Variants in CNTLN observed in about 807,000 individuals in gnomAD.
CNTLN encodes the protein centlein.
Under a neutral mutation model 180.0 loss-of-function variants are expected in CNTLN, and 212 were observed. The observed-to-expected ratio is 1.18, with a 90% CI of 1.05 to 1.32. The LOEUF (loss-of-function observed/expected upper bound fraction) is 1.32, where lower values mean the gene tolerates loss of function less well. Among genes scored for constraint, CNTLN ranks in the 40% most tolerant of loss-of-function variants. The probability of loss-of-function intolerance (pLI) is 0.00; values close to 1 mark genes in which losing one functional copy is unlikely to be tolerated. For synonymous variants in CNTLN, 722 were observed against 563.1 expected (o/e 1.28, Z -3.99); for missense variants, 2,095 against 1,610.9 (o/e 1.30, Z -5.14).
At chr9:17,135,511 G>A (rs935041390) in intron 1 of CNTLN, 86 bp downstream of exon 1, 9 of 1,455,792 alleles carry the variant, frequency 6.2e-6, no homozygotes, top group Non-Finnish European at 9.1e-7. Flanking sequence ...CTCTGCCTTG[G>A]GACCTACCCC....
At chr9:17,507,015 C>T (rs1422253882), downstream of CNTLN, among the ~76,000 whole-genome samples, 1 of 152,116 alleles carries the variant, frequency 6.6e-6, no homozygotes, top group African/African-American at 2.4e-5. Flanking sequence ...ATTTTAGATT[C>T]AGTGGGTACG....
chr9:17,443,200 T>C (rs1830209149), intron 18 of CNTLN, among the ~76,000 whole-genome samples: 1 of 152,172 alleles, frequency 6.6e-6, no homozygotes, highest in Admixed American at 6.5e-5. Context: ...GAAAGTTAAA[T>C]ATATTAGAAA....
At chr9:17,268,556 C>G (rs1021082076) in intron 5 of CNTLN, among the ~76,000 whole-genome samples, 3 of 152,194 alleles carry the variant, frequency 2.0e-5, no homozygotes, top group African/African-American at 4.8e-5. Context: ...AACCACTACT[C>G]TCTTCAAAGC....
intron 9 of CNTLN, 58 bp from the exon 10 acceptor site, chr9:17,332,547 T>A: frequency 6.6e-7 from 1 of 1,508,890 alleles, no homozygotes; most frequent in Non-Finnish European, 8.9e-7. Context: ...TAATTTTGCA[T>A]GTCTTTCATA....
the CNTLN span, among the ~76,000 whole-genome samples, chr9:17,515,760 C>G: frequency 6.6e-6 from 1 of 152,192 alleles, no homozygotes; most frequent in Non-Finnish European, 1.5e-5. Flanking sequence ...GTCAACTGAA[C>G]TACTGCATCA....
intron 3 of CNTLN, 29 bp downstream of exon 3, chr9:17,226,316 T>A (rs1274885573): frequency 8.0e-7 from 1 of 1,243,492 alleles, no homozygotes; most frequent in Non-Finnish European, 1.1e-6. Flanking sequence ...ATATTTAAAT[T>A]AACTATATTT....
chr9:17,338,973 A>C (rs1821266276), intron 10 of CNTLN, among the ~76,000 whole-genome samples: 1 of 152,178 alleles, frequency 6.6e-6, no homozygotes, highest in Admixed American at 6.5e-5. Context: ...TGAGGTTTTT[A>C]CTTTTACTTC....
chr9:17,439,843 A>G (rs1830002783), intron 18 of CNTLN, among the ~76,000 whole-genome samples: 1 of 152,212 alleles, frequency 6.6e-6, no homozygotes, highest in Non-Finnish European at 1.5e-5. Flanking sequence ...TCTCTGCCAT[A>G]TGGCAACTTG....
In CNTLN at chr9:17,145,439, A is replaced by C. The variant is rs189407935; in HGVS notation, c.449+2063A>C. Among the ~76,000 whole-genome samples the C allele has an allele frequency of 5.1e-3, 770 of 152,324 alleles. 5 individuals are homozygous for C. Among genetic ancestry groups the C allele is most frequent in the Admixed American group, 8.0e-3 (122 of 15,302 alleles). ...ATTCAACCTATGTCTGTTAAAAAGA[A>C]TATTCTAAATATCAAGGTCAAATAG... is the stretch of plus-strand genomic sequence containing the variant. On this transcript the variant is annotated intron_variant, in intron 2 of 25. Coordinates refer to ENST00000380647, the MANE Select transcript of CNTLN (RefSeq NM_017738.4).
chr9:17,169,866 G>A (rs1471183660), intron 2 of CNTLN, among the ~76,000 whole-genome samples: 1 of 152,000 alleles, frequency 6.6e-6, no homozygotes. Flanking sequence ...GCTGAAGATT[G>A]CTTTAGCTAG....
chr9:17,298,805 G>A, intron 7 of CNTLN: 1 of 985,982 alleles, frequency 1.0e-6, no homozygotes, highest in South Asian at 4.7e-5. Context: ...ATATTTTCCA[G>A]GATTTTTCTC....
At chr9:17,390,754 A>G (rs1416649113) in intron 14 of CNTLN, among the ~76,000 whole-genome samples, 2 of 152,196 alleles carry the variant, frequency 1.3e-5, no homozygotes, top group African/African-American at 2.4e-5. Flanking sequence ...TAACACTTTA[A>G]TAAGTGCTAT....
At chr9:17,318,099 C>T (rs1819651886) in intron 8 of CNTLN, among the ~76,000 whole-genome samples, 1 of 151,114 alleles carries the variant, frequency 6.6e-6, no homozygotes, top group African/African-American at 2.4e-5. Context: ...ATAATCTCAG[C>T]TCACTGCAAG....
intron 13 of CNTLN, among the ~76,000 whole-genome samples, chr9:17,368,693 G>C (rs985251420): frequency 1.3e-5 from 2 of 152,206 alleles, no homozygotes; most frequent in African/African-American, 4.8e-5. Flanking sequence ...AAGAAAACAA[G>C]AGTCTCTGCC....
intron 15 of CNTLN, among the ~76,000 whole-genome samples, chr9:17,404,698 T>C (rs552344026): frequency 6.6e-6 from 1 of 151,676 alleles, no homozygotes; most frequent in African/African-American, 2.4e-5. Flanking sequence ...CAATCCTTGT[T>C]TCAAATTCCA....
chr9:17,471,722 T>C (rs1832050346), intron 23 of CNTLN, among the ~76,000 whole-genome samples: 1 of 152,054 alleles, frequency 6.6e-6, no homozygotes, highest in African/African-American at 2.4e-5. Context: ...TTCAAAACCC[T>C]TTGAGGTGGC....
At chr9:17,488,602 A>G (rs375202109) in intron 25 of CNTLN, among the ~76,000 whole-genome samples, 1 of 152,198 alleles carries the variant, frequency 6.6e-6, no homozygotes, top group East Asian at 1.9e-4. Flanking sequence ...CTGACACTGG[A>G]CCTGAGTTTT....
intron 8 of CNTLN, among the ~76,000 whole-genome samples, chr9:17,309,715 C>T (rs1352996126): frequency 6.6e-6 from 1 of 151,920 alleles, no homozygotes; most frequent in East Asian, 1.9e-4. Flanking sequence ...CTTACTATTT[C>T]CTGTGGTAAA....
intron 20 of CNTLN, among the ~76,000 whole-genome samples, chr9:17,463,913 C>T (rs1831594997): frequency 7.6e-6 from 1 of 132,258 alleles, no homozygotes; most frequent in African/African-American, 2.8e-5. Context: ...TACATGTTAG[C>T]TATTGTCATT....
Sources: allele counts gnomAD v4.1 joint callset (sites outside exome capture counted in the v4.1 genomes callset), GRCh38; gene constraint gnomAD v4.1.1; transcripts MANE v1.5; gene names NCBI Gene and HGNC (gene_info 2026-07-23, HGNC 2026-07-21).